PLXDC1: variants seen among roughly 807,000 people sequenced by gnomAD.
PLXDC1 encodes the protein plexin domain containing 1, also known as plexin domain-containing protein 1.
Under a neutral mutation model 61.3 loss-of-function variants are expected in PLXDC1, and 39 were observed. The ratio of observed to expected loss-of-function variants is 0.64; its 90% CI spans 0.49 to 0.83. The LOEUF (loss-of-function observed/expected upper bound fraction) is 0.83. PLXDC1 is among the 40% of genes least tolerant of loss of function. The probability of loss-of-function intolerance (pLI) is 0.00; values close to 1 mark genes in which losing one functional copy is unlikely to be tolerated. For synonymous variants in PLXDC1, 212 were observed against 254.5 expected (o/e 0.83, Z 1.59); for missense variants, 596 against 666.5 (o/e 0.89, Z 1.17).
chr17:39,091,525 T>G (rs1387107627), intron 7 of PLXDC1, among the ~76,000 whole-genome samples: 1 of 152,086 alleles, frequency 6.6e-6, no homozygotes, highest in East Asian at 1.9e-4. Context: ...AACTTGCTCC[T>G]CCTCAGGAAA....
chr17:39,098,230 A>G (rs76723084), intron 7 of PLXDC1, among the ~76,000 whole-genome samples: 1 of 145,386 alleles, frequency 6.9e-6, no homozygotes, highest in Non-Finnish European at 1.5e-5. Context: ...AAAAAAAAAA[A>G]ATCCGTATAC....
intron 7 of PLXDC1, among the ~76,000 whole-genome samples, chr17:39,097,366 T>C (rs956745379): frequency 6.6e-6 from 1 of 152,190 alleles, no homozygotes; most frequent in African/African-American, 2.4e-5. Flanking sequence ...CTTTAAGCCA[T>C]GATCATTTGG....
At chr17:39,112,607 G>A (rs4357973) in intron 2 of PLXDC1, among the ~76,000 whole-genome samples, 82,043 of 151,400 alleles carry the variant, frequency 0.54, 22,474 homozygotes, top group Admixed American at 0.64. Flanking sequence ...ACAGGTGTGC[G>A]CCACCATGCC....
At position 39,067,851 on chromosome 17, in the gene PLXDC1, C is replaced by G. The variant is rs1567751134; in HGVS notation, c.1492G>C (p.Glu498Gln). ...GAGACTTGGTGTTCTCAGCACTGCT[C>G]AGCCTCCATGAAGCCCTCCTTCTCA... ...GHEKEGFMEA[E>Q]QC Residue 498 changes from glutamate (E) to glutamine (Q), a missense_variant, in exon 14 of 14, where the codon GAG (glutamate) becomes CAG (glutamine). Glu to Gln is a conservative substitution (Grantham distance 29). Transcript: ENST00000315392. The G allele has an allele frequency of 6.2e-7, 1 of 1,613,950 alleles. No homozygotes were observed. The highest frequency in any genetic ancestry group is 2.2e-5 in the East Asian group (1 of 44,886).
rs73983232 is a variant in PLXDC1, at chr17:39,145,441, C to A, written c.77-5609G>T. Reference sequence around the variant, plus strand: ...CTTGGCATCCCAGCCCTGGGCCACCCCATAGCTCAGGTTACCACAGCCTCT... The same window carrying A: ...CTTGGCATCCCAGCCCTGGGCCACCACATAGCTCAGGTTACCACAGCCTCT... On this transcript the variant is annotated intron_variant, in intron 1 of 13. Coordinates refer to ENST00000315392, the MANE Select transcript of PLXDC1 (RefSeq NM_020405.5). 6.7e-3 allele frequency among the ~76,000 whole-genome samples: 1,021 copies of A among 152,324 alleles called. 13 individuals are homozygous for A. Among genetic ancestry groups the A allele is most frequent in the African/African-American group, 0.023 (959 of 41,578 alleles).
chr17:39,108,660 C>G, intron 4 of PLXDC1: 1 of 563,524 alleles, frequency 1.8e-6, no homozygotes, highest in Non-Finnish European at 3.2e-6. Context: ...ACAGGGCTGT[C>G]CACACTGACT....
At chr17:39,077,145 G>C (rs1180981887) in intron 11 of PLXDC1, among the ~76,000 whole-genome samples, 6 of 152,206 alleles carry the variant, frequency 3.9e-5, no homozygotes, top group Non-Finnish European at 7.3e-5. Flanking sequence ...TGGGATTACA[G>C]GTGTGAGCCA....
intron 7 of PLXDC1, among the ~76,000 whole-genome samples, chr17:39,095,419 C>T (rs1403051279): frequency 2.6e-5 from 3 of 117,032 alleles, no homozygotes; most frequent in Non-Finnish European, 3.3e-5. Flanking sequence ...GATTGTTTCA[C>T]CAACATCTGG....
intron 13 of PLXDC1, among the ~76,000 whole-genome samples, chr17:39,069,381 G>A (rs1436405798): frequency 6.6e-6 from 1 of 152,162 alleles, no homozygotes; most frequent in Non-Finnish European, 1.5e-5. Flanking sequence ...AGGATCTTAG[G>A]AAGGAGCCAC....
At chr17:39,147,710 G>C (rs142826634) in intron 1 of PLXDC1, among the ~76,000 whole-genome samples, 53 of 152,188 alleles carry the variant, frequency 3.5e-4, no homozygotes, top group African/African-American at 1.3e-3. Flanking sequence ...ACAGCAAGAA[G>C]AGTTCAGCTC....
chr17:39,135,872 G>T (rs1417140180), intron 2 of PLXDC1, among the ~76,000 whole-genome samples: 1 of 152,124 alleles, frequency 6.6e-6, no homozygotes, highest in African/African-American at 2.4e-5. Context: ...TGTTTTTTAA[G>T]CTCTGGCGTT....
intron 7 of PLXDC1, among the ~76,000 whole-genome samples, chr17:39,089,751 A>G (rs1171966491): frequency 1.3e-5 from 2 of 152,064 alleles, no homozygotes; most frequent in African/African-American, 4.8e-5. Flanking sequence ...ATCCCCTCCT[A>G]TGTAAGGAAC....
At chr17:39,069,766 G>T in intron 13 of PLXDC1, 90 bp downstream of exon 13, 1 of 978,012 alleles carries the variant, frequency 1.0e-6, no homozygotes, top group Non-Finnish European at 1.6e-6. Flanking sequence ...TGGCAGGGGA[G>T]AGGGAGAAGG....
intron 1 of PLXDC1, among the ~76,000 whole-genome samples, chr17:39,143,767 G>A (rs901753065): frequency 1.3e-5 from 2 of 152,242 alleles, no homozygotes; most frequent in African/African-American, 4.8e-5. Flanking sequence ...CACGTGGGGA[G>A]GAGGGCAGTC....
chr17:39,111,782 C>T (rs1910811263), intron 2 of PLXDC1: 1 of 152,326 alleles, frequency 6.6e-6, no homozygotes, highest in African/African-American at 2.4e-5. Context: ...GGGGGCTGCC[C>T]TGATGCCACG....
At chr17:39,068,239 G>A (rs531468164) in intron 13 of PLXDC1, among the ~76,000 whole-genome samples, 1 of 152,346 alleles carries the variant, frequency 6.6e-6, no homozygotes, top group South Asian at 2.1e-4. Flanking sequence ...GAAAGGTTCA[G>A]CAATACACCA....
At chr17:39,146,368 G>A (rs1381510869) in intron 1 of PLXDC1, among the ~76,000 whole-genome samples, 2 of 151,794 alleles carry the variant, frequency 1.3e-5, no homozygotes, top group Non-Finnish European at 2.9e-5. Context: ...ACCACGCCTG[G>A]CCAGCTTTTA....
intron 13 of PLXDC1, 106 bp from the exon 14 acceptor site, chr17:39,068,065 TGG>T (rs745452802): frequency 1.0e-6 from 1 of 998,616 alleles, no homozygotes; most frequent in Non-Finnish European, 1.5e-6. Context: ...ATAAGGGCCC[TGG>T]GGCACTTGGG....
chr17:39,094,137 G>T (rs1910057121), intron 7 of PLXDC1, among the ~76,000 whole-genome samples: 1 of 146,134 alleles, frequency 6.8e-6, no homozygotes. Flanking sequence ...CTGTGCTGCA[G>T]GTGCCCCTGA....
Sources: gnomAD v4.1 joint callset for allele counts (sites outside exome capture counted in the v4.1 genomes callset) on GRCh38, gnomAD v4.1.1 for gene constraint, MANE v1.5 for transcripts, NCBI Gene and HGNC (gene_info 2026-07-23, HGNC 2026-07-21) for gene names.